ARFGEF1: variants seen among roughly 807,000 people sequenced by gnomAD.
The protein encoded by ARFGEF1 is ARF guanine nucleotide exchange factor 1, also known as brefeldin A-inhibited guanine nucleotide-exchange protein 1.
ARFGEF1 carries 42 observed loss-of-function variants against 231.0 expected under a neutral mutation model. The observed-to-expected ratio is 0.18, with a 90% CI of 0.14 to 0.24. The LOEUF (loss-of-function observed/expected upper bound fraction) is 0.24, where lower values mean the gene tolerates loss of function less well. ARFGEF1 is among the 10% of genes least tolerant of loss of function. The pLI is 1.00. For missense variants in ARFGEF1, 1,345 were observed against 2,192.0 expected, an observed-to-expected ratio of 0.61 and a Z score of 7.72; for synonymous variants, 710 against 732.3, an observed-to-expected ratio of 0.97 and a Z score of 0.49.
At chr8:67,180,455 T>C (rs1326210226) in intron 5 of ARFGEF1, among the ~76,000 whole-genome samples, 4 of 152,146 alleles carry the variant, frequency 2.6e-5, no homozygotes, top group Admixed American at 2.6e-4. Context: ...GTGTATATGG[T>C]TATAAAAGGG....
At position 67,189,639 on chromosome 8, in the gene ARFGEF1, G is replaced by T. The variant is rs551077864; in HGVS notation, c.560+10757C>A. ...TTAAATTTTCTGAATGTTATAATTA[G>T]ATTTTTGCAGTGTAGGAGCCAGTCC... On this transcript the variant is annotated intron_variant, in intron 5 of 5. Coordinates refer to the ARFGEF1 transcript ENST00000518789. Among the ~76,000 whole-genome samples the T allele has an allele frequency of 2.0e-5, 3 of 152,094 alleles. No individual in the cohort carries two copies. The South Asian group carries it at 6.2e-4, about 32-fold the overall frequency.
At chr8:67,184,994 G>A (rs139030646) in intron 5 of ARFGEF1, among the ~76,000 whole-genome samples, 18,513 of 145,348 alleles carry the variant, frequency 0.13, 2,429 homozygotes, top group African/African-American at 0.33. Flanking sequence ...AGTCCCAGCT[G>A]CTCGGGAGGC....
intron 1 of ARFGEF1, among the ~76,000 whole-genome samples, chr8:67,314,399 G>GGC (rs1416398758): frequency 2.0e-5 from 3 of 152,272 alleles, no homozygotes; most frequent in African/African-American, 7.2e-5. Context: ...TGTGATGCCA[G>GGC]GCAGGAATGG....
chr8:67,254,115 A>T (rs781282481), intron 17 of ARFGEF1, among the ~76,000 whole-genome samples: 3 of 152,198 alleles, frequency 2.0e-5, no homozygotes, highest in Admixed American at 1.3e-4. Flanking sequence ...TCACTGTGGC[A>T]ACTGAATTAT....
intron 29 of ARFGEF1, among the ~76,000 whole-genome samples, chr8:67,221,816 TC>T (rs1235427756): frequency 2.0e-5 from 3 of 151,300 alleles, no homozygotes; most frequent in African/African-American, 7.3e-5. Flanking sequence ...CTTTTTTTTT[TC>T]TTTCTTTTTT....
At chr8:67,324,394 C>G (rs16919059) in intron 1 of ARFGEF1, among the ~76,000 whole-genome samples, 1 of 152,190 alleles carries the variant, frequency 6.6e-6, no homozygotes, top group Non-Finnish European at 1.5e-5. Flanking sequence ...CTGCAGTTCC[C>G]TAAGTGCAGA....
Position 67,201,546 on chromosome 8 carries a change from C to G in ARFGEF1, c.5188G>C (p.Gly1730Arg), listed in dbSNP as rs781533455. The G allele has an allele frequency of 6.2e-7, 1 of 1,613,652 alleles. No individual in the cohort carries two copies. Among genetic ancestry groups the G allele is most frequent in the Admixed American group, 1.7e-5 (1 of 59,958 alleles). ...LKQETSSLAC[G>R]LRILFRMYMD... is the part of the protein sequence containing the mutation. ...TACATCCGGAAGAGAATGCGCAGCC[C>G]ACAGGCCAGGCTGCTGGTCTCCTGC... The change falls in exon 37 of 39, where the codon GGG becomes CGG. Residue 1730 changes from glycine to arginine, a missense_variant. Coordinates refer to ENST00000262215, the MANE Select transcript of ARFGEF1 (RefSeq NM_006421.5).
intron 34 of ARFGEF1, among the ~76,000 whole-genome samples, chr8:67,210,696 T>C (rs940364113): frequency 6.6e-6 from 1 of 152,146 alleles, no homozygotes; most frequent in Non-Finnish European, 1.5e-5. Flanking sequence ...AGCAGAGTTC[T>C]TGACCTTCTG....
At chr8:67,315,612 T>C (rs1330978198) in intron 1 of ARFGEF1, among the ~76,000 whole-genome samples, 1 of 152,118 alleles carries the variant, frequency 6.6e-6, no homozygotes, top group Non-Finnish European at 1.5e-5. Context: ...GAATGGTTAC[T>C]CCACAGGCAG....
At chr8:67,255,463 A>G (rs780629030) in intron 17 of ARFGEF1, among the ~76,000 whole-genome samples, 8 of 152,212 alleles carry the variant, frequency 5.3e-5, no homozygotes, top group East Asian at 1.9e-4. Flanking sequence ...CACTACATAA[A>G]AAGTAGCCTA....
intron 7 of ARFGEF1, among the ~76,000 whole-genome samples, chr8:67,286,252 T>C (rs777677452): frequency 2.0e-5 from 3 of 152,224 alleles, no homozygotes; most frequent in Admixed American, 6.5e-5. Context: ...AAAGTAAACA[T>C]AGCAAAATCG....
intron 5 of ARFGEF1, among the ~76,000 whole-genome samples, chr8:67,176,580 T>G (rs1442711894): frequency 6.6e-6 from 1 of 152,158 alleles, no homozygotes; most frequent in Non-Finnish European, 1.5e-5. Flanking sequence ...TCTTCAACCT[T>G]TGTACCCAGT....
intron 33 of ARFGEF1, among the ~76,000 whole-genome samples, chr8:67,211,921 C>T (rs992859116): frequency 2.0e-5 from 3 of 152,082 alleles, no homozygotes; most frequent in Non-Finnish European, 4.4e-5. Flanking sequence ...TAAACAGACA[C>T]CTTTTGCAGG....
intron 30 of ARFGEF1, 51 bp downstream of exon 30, chr8:67,219,380 T>A (rs761769192): frequency 6.4e-7 from 1 of 1,573,786 alleles, no homozygotes; most frequent in Admixed American, 1.9e-5. Flanking sequence ...ATTATAATAC[T>A]GAGAATCTTT....
chr8:67,254,552 G>A (rs1320405867), intron 17 of ARFGEF1, among the ~76,000 whole-genome samples: 6 of 152,124 alleles, frequency 3.9e-5, no homozygotes, highest in Non-Finnish European at 8.8e-5. Context: ...TATAGAGAGT[G>A]TGGTGTTATG....
Position 67,316,464 on chromosome 8 carries a change from A to AT in ARFGEF1, c.125-13999dup, listed in dbSNP as rs939191717. On this transcript the variant is annotated intron_variant, in intron 1 of 38. Transcript: ENST00000262215. ...GATAACAAAACTGGACTGTTGTATA[A>AT]TTTTTTTTTTTTTCTGAGACGGGGT... Among the ~76,000 whole-genome samples, 1,393 of 146,186 alleles carry AT rather than the reference A, an allele frequency of 9.5e-3. 15 individuals carry two copies. Among genetic ancestry groups the AT allele is most frequent in the African/African-American group, 0.031 (1,230 of 40,152 alleles).
chr8:67,231,609 G>T (rs1018962024), intron 23 of ARFGEF1, among the ~76,000 whole-genome samples: 23 of 152,118 alleles, frequency 1.5e-4, no homozygotes, highest in Non-Finnish European at 2.9e-5. Context: ...CAGTGAAGAT[G>T]ATTTTTCTGG....
chr8:67,222,061 C>A (rs766221139), intron 29 of ARFGEF1, among the ~76,000 whole-genome samples: 1 of 150,614 alleles, frequency 6.6e-6, no homozygotes, highest in Non-Finnish European at 1.5e-5. Context: ...GATCCGCCCA[C>A]CTTGGCCTCC....
chr8:67,232,385 G>A lies in ARFGEF1; in HGVS notation c.3380+470C>T, dbSNP rs1036202485. ...TTCTTTTAGAAAACAAACTAAAAAT[G>A]GGGAATATGTGGTGATGTGTATAAT... On this transcript the variant is annotated intron_variant, in intron 23 of 38. Transcript: ENST00000262215. Among the ~76,000 whole-genome samples, 4 of 152,034 alleles carry A rather than the reference G, an allele frequency of 2.6e-5. No homozygotes were observed. In the East Asian group the frequency reaches 5.8e-4, roughly 22 times the overall value.
Sources: gnomAD v4.1 joint callset for allele counts (sites outside exome capture counted in the v4.1 genomes callset) on GRCh38, gnomAD v4.1.1 for gene constraint, MANE v1.5 for transcripts, NCBI Gene and HGNC (gene_info 2026-07-23, HGNC 2026-07-21) for gene names.